The following ADGRB3 variants were observed in gnomAD, a reference collection of about 807,000 sequenced individuals.
The protein encoded by ADGRB3 is adhesion G protein-coupled receptor B3.
A neutral mutation model predicts 193.4 loss-of-function variants in ADGRB3; 37 were observed. That is an observed-to-expected ratio of 0.19 (90% CI 0.15 to 0.25). The LOEUF (loss-of-function observed/expected upper bound fraction) is 0.25. ADGRB3 is among the 10% of genes least tolerant of loss of function. The probability of loss-of-function intolerance (pLI) is 1.00; values close to 1 mark genes in which losing one functional copy is unlikely to be tolerated. For synonymous variants in ADGRB3, 690 were observed against 644.2 expected (o/e 1.07, Z -1.08); for missense variants, 1,637 against 1,852.9 (o/e 0.88, Z 2.14).
At chr6:68,722,706 T>C (rs532176229) in intron 3 of ADGRB3, among the ~76,000 whole-genome samples, 1 of 151,546 alleles carries the variant, frequency 6.6e-6, no homozygotes, top group Admixed American at 6.6e-5. Context: ...AAGCACTTTA[T>C]TTTTTTTAAA....
chr6:68,933,016 A>G (rs1313072968), intron 4 of ADGRB3, among the ~76,000 whole-genome samples: 1 of 150,658 alleles, frequency 6.6e-6, no homozygotes, highest in Non-Finnish European at 1.5e-5. Flanking sequence ...ATAAAGTAGC[A>G]TAGTTTGGAT....
At chr6:69,384,807 T>G (rs999789282) in intron 31 of ADGRB3, among the ~76,000 whole-genome samples, 1 of 152,042 alleles carries the variant, frequency 6.6e-6, no homozygotes, top group African/African-American at 2.4e-5. Flanking sequence ...GCGACTTCCT[T>G]ATTCAGTTTT....
intron 3 of ADGRB3, among the ~76,000 whole-genome samples, chr6:68,780,513 T>C (rs182284734): frequency 6.6e-6 from 1 of 152,166 alleles, no homozygotes; most frequent in Admixed American, 6.6e-5. Context: ...ATCAATCCAA[T>C]GCATACCGCT....
Position 68,639,265 on chromosome 6 carries a change from C to A in ADGRB3, c.590C>A (p.Thr197Asn). ...TGTGGGATCATGTATACAAAATGCA[C>A]CTGCCCTCAGCATTTGGGAGAGTGG... ...ESCGIMYTKC[T>N]CPQHLGEWGI... The change falls in exon 3 of 32, where the codon ACC becomes AAC. Residue 197 changes from threonine (T) to asparagine (N), a missense_variant. This residue lies in a region of ADGRB3 where 365 missense variants were observed against 409.8 expected (regional missense o/e 0.89). Transcript: ENST00000370598. 1 of 1,614,072 alleles carries A rather than the reference C, an allele frequency of 6.2e-7. No homozygotes were observed. The highest frequency in any genetic ancestry group is 2.2e-5 in the East Asian group (1 of 44,844).
At chr6:69,148,751 G>T (rs1774578125) in intron 17 of ADGRB3, among the ~76,000 whole-genome samples, 1 of 151,966 alleles carries the variant, frequency 6.6e-6, no homozygotes, top group South Asian at 2.1e-4. Context: ...GCTTTTCTTT[G>T]TCTGGGAAAG....
Position 68,993,878 on chromosome 6 carries a change from T to C in ADGRB3, c.1845T>C (p.Asp615=). ...LTQRKNFYAG[D]LLMSVEILRN... is the part of the protein sequence containing the mutation. ...AGAGAAAAAATTTCTATGCAGGCGA[T>C]CTTCTGATGTCTGTGGAGATCCTGA... The change falls in exon 11 of 32, where the codon GAT becomes GAC. Residue 615 remains aspartate (D), a synonymous_variant. Coordinates refer to ENST00000370598, the MANE Select transcript of ADGRB3 (RefSeq NM_001704.3). The C allele has an allele frequency of 1.2e-6, 2 of 1,613,958 alleles. No individual in the cohort carries two copies. The highest frequency in any genetic ancestry group is 2.2e-5 in the East Asian group (1 of 44,876).
intron 3 of ADGRB3, among the ~76,000 whole-genome samples, chr6:68,812,692 T>A (rs936888594): frequency 6.6e-6 from 1 of 152,118 alleles, no homozygotes; most frequent in African/African-American, 2.4e-5. Context: ...CTTTTTCTTA[T>A]ACTTTAAATT....
chr6:69,230,844 T>C (rs1766119664), intron 17 of ADGRB3, among the ~76,000 whole-genome samples: 1 of 152,230 alleles, frequency 6.6e-6, no homozygotes, highest in African/African-American at 2.4e-5. Context: ...GTTTTATATA[T>C]CTTCTTTTAA....
At chr6:69,081,426 TTC>T (rs1772382862) in intron 17 of ADGRB3, among the ~76,000 whole-genome samples, 1 of 151,994 alleles carries the variant, frequency 6.6e-6, no homozygotes. Context: ...AAATGTTTGC[TTC>T]TGTTTGCAAA....
intron 17 of ADGRB3, among the ~76,000 whole-genome samples, chr6:69,103,958 G>T (rs1022073889): frequency 6.6e-6 from 1 of 151,922 alleles, no homozygotes; most frequent in Admixed American, 6.6e-5. Flanking sequence ...CATTAATATT[G>T]TTAGGCACTG....
chr6:69,310,096 A>G (rs887471338), intron 20 of ADGRB3, among the ~76,000 whole-genome samples: 15 of 151,716 alleles, frequency 9.9e-5, no homozygotes, highest in South Asian at 2.1e-4. Context: ...TATAATTTAA[A>G]CTCACGACAT....
intron 20 of ADGRB3, among the ~76,000 whole-genome samples, chr6:69,308,394 T>A (rs1223364999): frequency 1.3e-5 from 2 of 150,116 alleles, no homozygotes; most frequent in Non-Finnish European, 3.0e-5. Context: ...TATGGAGGAA[T>A]TGAGGAAGAT....
chr6:68,770,205 A>C (rs2127355631), intron 3 of ADGRB3, among the ~76,000 whole-genome samples: 1 of 152,264 alleles, frequency 6.6e-6, no homozygotes, highest in South Asian at 2.1e-4. Context: ...GCACTCTGGA[A>C]GGAATACATT....
chr6:69,170,408 T>C (rs1775241380), intron 17 of ADGRB3, among the ~76,000 whole-genome samples: 1 of 152,188 alleles, frequency 6.6e-6, no homozygotes, highest in African/African-American at 2.4e-5. Flanking sequence ...TGGCCCTTGC[T>C]ATTTCTCCAG....
intron 26 of ADGRB3, among the ~76,000 whole-genome samples, chr6:69,339,952 T>C (rs1768940680): frequency 6.6e-6 from 1 of 152,218 alleles, no homozygotes; most frequent in African/African-American, 2.4e-5. Context: ...TAACTAATAC[T>C]ATTTTAAGCA....
chr6:69,040,365 CTT>C (rs1197449894), intron 13 of ADGRB3, among the ~76,000 whole-genome samples: 2,100 of 68,862 alleles, frequency 0.03, 57 homozygotes, highest in South Asian at 0.052. Flanking sequence ...TTCTTTCTTT[CTT>C]TCTTTCTTTC....
Position 69,277,115 on chromosome 6 carries a change from C to A in ADGRB3, c.2814+37889C>A, listed in dbSNP as rs192771208. On this transcript the variant is annotated intron_variant, in intron 20 of 31. Transcript: ENST00000370598. ...GGTTCAAGCGATTCTCCTGCCTCAG[C>A]CTCCAAGTAGCTGGGATTACAGGCA... Among the ~76,000 whole-genome samples the A allele has an allele frequency of 2.8e-3, 429 of 151,860 alleles. 4 individuals carry two copies. Among genetic ancestry groups the A allele is most frequent in the Middle Eastern group, 0.02 (6 of 294 alleles).
At chr6:68,900,189 T>A (rs911374247) in intron 3 of ADGRB3, among the ~76,000 whole-genome samples, 1 of 152,152 alleles carries the variant, frequency 6.6e-6, no homozygotes, top group Non-Finnish European at 1.5e-5. Context: ...TATACTCTTA[T>A]ATTGTTGGTG....
chr6:68,935,700 A>G (rs9294816), intron 4 of ADGRB3, among the ~76,000 whole-genome samples: 4,556 of 152,206 alleles, frequency 0.03, 237 homozygotes, highest in African/African-American at 0.1. Flanking sequence ...GGTCATAGAA[A>G]TGTTTGACTT....
Sources: allele counts gnomAD v4.1 joint callset (sites outside exome capture counted in the v4.1 genomes callset), GRCh38; gene constraint gnomAD v4.1.1; regional missense constraint gnomAD v4.1.1; transcripts MANE v1.5; gene names NCBI Gene and HGNC (gene_info 2026-07-23, HGNC 2026-07-21).